The following STARD13 variants were observed in gnomAD, a reference collection of about 807,000 sequenced individuals.
The protein encoded by STARD13 is StAR related lipid transfer domain containing 13.
STARD13 carries 62 observed loss-of-function variants against 106.4 expected under a neutral mutation model. That is an observed-to-expected ratio of 0.58 (90% CI 0.48 to 0.72). The LOEUF is 0.72. Ranked by LOEUF, STARD13 falls within the 30% of genes least tolerant of loss-of-function variation. The pLI, the probability that STARD13 is intolerant of heterozygous loss-of-function variation, is 0.00. For synonymous variants in STARD13, 565 were observed against 553.0 expected (o/e 1.02, Z -0.31); for missense variants, 1,387 against 1,424.0 (o/e 0.97, Z 0.42).
intron 1 of STARD13, among the ~76,000 whole-genome samples, chr13:33,235,831 T>C (rs1283464988): frequency 6.6e-6 from 1 of 152,240 alleles, no homozygotes; most frequent in African/African-American, 2.4e-5. Flanking sequence ...GTGATTCTAA[T>C]GCATGTGCAC....
At chr13:33,327,505 G>T (rs779609429) in intron 1 of STARD13, among the ~76,000 whole-genome samples, 1 of 152,174 alleles carries the variant, frequency 6.6e-6, no homozygotes, top group Non-Finnish European at 1.5e-5. Context: ...AAGTAGCTGG[G>T]ACTACAGGCA....
At chr13:33,479,602 T>C in the STARD13 span, among the ~76,000 whole-genome samples, 4 of 152,250 alleles carry the variant, frequency 2.6e-5, no homozygotes, top group East Asian at 5.8e-4. Flanking sequence ...TGCTATGGAG[T>C]TGACACAGAT....
At chr13:33,519,208 T>TTTTTTTTCTTTC in the STARD13 span, among the ~76,000 whole-genome samples, 1 of 101,530 alleles carries the variant, frequency 9.8e-6, no homozygotes, top group Non-Finnish European at 2.0e-5. Context: ...CTTGGTAATT[T>TTTTTTTTCTTTC]TTTCTTTCTT....
the STARD13 span, among the ~76,000 whole-genome samples, chr13:33,461,640 A>G: frequency 1.3e-5 from 2 of 152,148 alleles, no homozygotes; most frequent in Non-Finnish European, 2.9e-5. Context: ...CTTGCTTATT[A>G]TGGTTTTTTG....
the STARD13 span, among the ~76,000 whole-genome samples, chr13:33,531,657 A>G: frequency 4.6e-5 from 7 of 152,322 alleles, no homozygotes; most frequent in South Asian, 1.0e-3. Flanking sequence ...CATTGTTTCT[A>G]GGTGTTTTCA....
chr13:33,390,530 A>C, the STARD13 span, among the ~76,000 whole-genome samples: 2 of 152,190 alleles, frequency 1.3e-5, no homozygotes, highest in African/African-American at 4.8e-5. Flanking sequence ...CCTCTTCATA[A>C]ATTTGTATCA....
chr13:33,385,244 T>C, the STARD13 span, among the ~76,000 whole-genome samples: 1 of 126,150 alleles, frequency 7.9e-6, no homozygotes, highest in Non-Finnish European at 1.6e-5. Flanking sequence ...TATATATATA[T>C]ATATATATAT....
At chr13:33,166,057 T>C (rs376393545) in intron 2 of STARD13, among the ~76,000 whole-genome samples, 2 of 152,172 alleles carry the variant, frequency 1.3e-5, no homozygotes, top group Non-Finnish European at 1.5e-5. Context: ...CTGCAGCTCA[T>C]TGGAATAGAG....
the STARD13 span, among the ~76,000 whole-genome samples, chr13:33,496,053 A>G: frequency 1.4e-5 from 2 of 141,780 alleles, no homozygotes; most frequent in African/African-American, 5.1e-5. Context: ...TATAGTTAAT[A>G]TAATTATAGT....
At chr13:33,105,764 C>A in intron 13 of STARD13, 54 bp from the exon 14 acceptor site, 1 of 1,490,448 alleles carries the variant, frequency 6.7e-7, no homozygotes, top group Non-Finnish European at 9.4e-7. Context: ...CAAATCACAG[C>A]AATTAGTTTT....
rs1877404305 is a variant in STARD13 at position 33,127,610 on chromosome 13, A to G, written c.1749-64T>C. On this transcript the variant is annotated intron_variant, in intron 5 of 13. Coordinates refer to ENST00000336934, the MANE Select transcript of STARD13 (RefSeq NM_178006.4). ...TGGACTTGGTAGCGGGAAACACGGG[A>G]CATCACCAAGGTACACGCAGCTAAT... 6.1e-6 allele frequency: 9 copies of G among 1,470,726 alleles called. No individual in the cohort carries two copies. The South Asian group carries it at 1.1e-4, about 17-fold the overall frequency. 91.1% of individuals were successfully genotyped at this position (1,470,726 alleles called of 1,614,324 possible). A position where few individuals can be genotyped will look rare whatever the true frequency, so the allele number is the denominator to read the frequency against.
At chr13:33,156,182 C>T (rs550366637) in intron 3 of STARD13, among the ~76,000 whole-genome samples, 1 of 152,138 alleles carries the variant, frequency 6.6e-6, no homozygotes, top group Non-Finnish European at 1.5e-5. Flanking sequence ...ATTCCAATTC[C>T]GAAAACTGCC....
chr13:33,378,506 C>T, the STARD13 span, among the ~76,000 whole-genome samples: 12 of 152,146 alleles, frequency 7.9e-5, no homozygotes, highest in African/African-American at 1.9e-4. Context: ...ATAGGCCAGG[C>T]GTGGTCGGGC....
At chr13:33,360,624 T>A in the STARD13 span, among the ~76,000 whole-genome samples, 1 of 20,226 alleles carries the variant, frequency 4.9e-5, no homozygotes, top group African/African-American at 1.9e-4. Context: ...TTTTATTATT[T>A]AATATACATT....
At position 33,126,113 on chromosome 13, in the gene STARD13, G is replaced by T; in HGVS notation, c.2050C>A (p.Leu684Met). The T allele has an allele frequency of 6.2e-7, 1 of 1,614,186 alleles. No individual in the cohort carries two copies. Among genetic ancestry groups the T allele is most frequent in the Non-Finnish European group, 8.5e-7 (1 of 1,180,032 alleles). The change falls in exon 7 of 14, where the codon CTG becomes ATG. Residue 684 changes from leucine (L) to methionine (M), a missense_variant. Physicochemically the swap from Leu to Met is conservative, Grantham distance 15 (BLOSUM62 2). Coordinates refer to ENST00000336934, the MANE Select transcript of STARD13 (RefSeq NM_178006.4). ...AGGCAGTTGCTGCGTAGATATCTCA[G>T]TGCTTGCTGAATACTTTGAGGCAGG... is the stretch of plus-strand genomic sequence containing the variant. ...QPLPQSIQQA[L>M]RYLRSNCLDQ...
chr13:33,138,829 G>T (rs558231022), intron 4 of STARD13: 4 of 473,214 alleles, frequency 8.5e-6, no homozygotes, highest in South Asian at 1.5e-5. Flanking sequence ...GGCAGGGAAG[G>T]TCATCTCGAA....
chr13:33,436,042 A>G, the STARD13 span, among the ~76,000 whole-genome samples: 1 of 152,176 alleles, frequency 6.6e-6, no homozygotes, highest in Non-Finnish European at 1.5e-5. Context: ...ATTCTTGATA[A>G]TGTGCCTAAC....
the STARD13 span, among the ~76,000 whole-genome samples, chr13:33,635,962 C>T: frequency 1.3e-5 from 2 of 151,594 alleles, no homozygotes; most frequent in Non-Finnish European, 2.9e-5. Context: ...TCAGCCTGGG[C>T]GACAGAGTGA....
At chr13:33,389,471 A>G in the STARD13 span, among the ~76,000 whole-genome samples, 9 of 152,110 alleles carry the variant, frequency 5.9e-5, no homozygotes, top group Non-Finnish European at 1.3e-4. Context: ...GGGCCAGGCC[A>G]GGTGCAAATT....
Sources: allele counts gnomAD v4.1 joint callset (sites outside exome capture counted in the v4.1 genomes callset), GRCh38; gene constraint gnomAD v4.1.1; transcripts MANE v1.5; gene names NCBI Gene and HGNC (gene_info 2026-07-23, HGNC 2026-07-21).